Variants in MAP2K6 observed in about 807,000 individuals in gnomAD.
MAP2K6 encodes dual specificity mitogen-activated protein kinase kinase 6.
MAP2K6 carries 16 observed loss-of-function variants against 53.7 expected under a neutral mutation model. The ratio of observed to expected loss-of-function variants is 0.30; its 90% CI spans 0.20 to 0.45. The LOEUF is 0.45. Ranked by LOEUF, MAP2K6 falls within the 20% of genes least tolerant of loss-of-function variation. MAP2K6 has a pLI of 1.00. For missense variants in MAP2K6, 204 were observed against 411.9 expected, an observed-to-expected ratio of 0.50 and a Z score of 4.37; for synonymous variants, 132 against 143.1, an observed-to-expected ratio of 0.92 and a Z score of 0.55.
intron 1 of MAP2K6, among the ~76,000 whole-genome samples, chr17:69,495,006 G>GA (rs369313832): frequency 7.2e-6 from 1 of 139,354 alleles, no homozygotes; most frequent in Non-Finnish European, 1.6e-5. Flanking sequence ...ACTCTGTCTA[G>GA]AAAAAAAACC....
chr17:69,511,260 A>G (rs1490198794), intron 2 of MAP2K6, among the ~76,000 whole-genome samples: 1 of 152,198 alleles, frequency 6.6e-6, no homozygotes, highest in Non-Finnish European at 1.5e-5. Flanking sequence ...ATACCGCTGT[A>G]GCTCAAAGAG....
intron 1 of MAP2K6, among the ~76,000 whole-genome samples, chr17:69,484,570 C>T: frequency 6.6e-6 from 1 of 151,988 alleles, no homozygotes; most frequent in East Asian, 1.9e-4. Context: ...CAATTTCACT[C>T]ATAGGTATAT....
intron 11 of MAP2K6, among the ~76,000 whole-genome samples, chr17:69,540,070 G>C (rs954929345): frequency 2.0e-5 from 3 of 152,180 alleles, no homozygotes; most frequent in Non-Finnish European, 2.9e-5. Flanking sequence ...ATCGCGACCA[G>C]CTATCTTCTT....
At chr17:69,455,608 G>A (rs1403762678) in intron 1 of MAP2K6, among the ~76,000 whole-genome samples, 6 of 152,088 alleles carry the variant, frequency 3.9e-5, no homozygotes, top group Non-Finnish European at 7.3e-5. Context: ...GGGGCATTAT[G>A]GTTGGTGTAA....
chr17:69,451,502 A>G (rs1907224192), intron 1 of MAP2K6, among the ~76,000 whole-genome samples: 1 of 152,212 alleles, frequency 6.6e-6, no homozygotes, highest in South Asian at 2.1e-4. Context: ...ATCTAGAAAG[A>G]CAGCTCTCTG....
chr17:69,517,314 G>T (rs1026681918), intron 3 of MAP2K6, among the ~76,000 whole-genome samples, 186 bp from the exon 4 acceptor site: 3 of 152,048 alleles, frequency 2.0e-5, no homozygotes, highest in Admixed American at 2.0e-4. Context: ...TACCGTGGGA[G>T]CTCCTAGACA....
intron 5 of MAP2K6, 61 bp downstream of exon 5, chr17:69,519,493 A>G (rs773203308): frequency 6.3e-7 from 1 of 1,599,652 alleles, no homozygotes; most frequent in Non-Finnish European, 8.6e-7. Flanking sequence ...AGTTTCTTTG[A>G]TCACGTAAAT....
chr17:69,502,478 C>T (rs868826775), intron 1 of MAP2K6: 8 of 985,310 alleles, frequency 8.1e-6, no homozygotes, highest in Middle Eastern at 5.2e-4. Flanking sequence ...TTGATGTAAA[C>T]GTGAAGGCAG....
At chr17:69,514,710 C>T (rs1021770554) in intron 2 of MAP2K6, among the ~76,000 whole-genome samples, 4 of 151,804 alleles carry the variant, frequency 2.6e-5, no homozygotes, top group Admixed American at 6.6e-5. Context: ...TACAGGTGTC[C>T]GCCACCACGC....
chr17:69,519,349 C>T lies in MAP2K6; in HGVS notation c.283C>T (p.Arg95Trp), dbSNP rs144625593. 104 of 1,613,814 alleles carry T rather than the reference C, an allele frequency of 6.4e-5. No homozygotes were observed. Among genetic ancestry groups the T allele is most frequent in the Non-Finnish European group, 7.9e-5 (93 of 1,179,924 alleles). The change falls in exon 5 of 12, where the codon CGG (arginine) becomes TGG (tryptophan). Residue 95 changes from arginine to tryptophan, a missense_variant. This residue lies in a region of MAP2K6 where 129 missense variants were observed against 247.1 expected (regional missense o/e 0.52). Coordinates refer to ENST00000590474, the MANE Select transcript of MAP2K6 (RefSeq NM_002758.4). ...RATVNSQEQK[R>W]LLMDLDISMR... ...CACAGTAAATAGCCAGGAACAGAAA[C>T]GGCTACTGATGGATTTGGATATTTC...
chr17:69,437,142 C>T (rs193030313), intron 1 of MAP2K6, among the ~76,000 whole-genome samples: 6 of 152,262 alleles, frequency 3.9e-5, no homozygotes, highest in Admixed American at 3.3e-4. Context: ...TAACTTTTGG[C>T]TCCCCTAAAA....
chr17:69,506,017 C>T (rs936080556), intron 2 of MAP2K6, among the ~76,000 whole-genome samples, 171 bp downstream of exon 2: 2 of 152,174 alleles, frequency 1.3e-5, no homozygotes, highest in Admixed American at 6.5e-5. Flanking sequence ...CAGTCAGTTA[C>T]GTTGAATGGG....
At chr17:69,425,100 A>G (rs1000394117) in intron 1 of MAP2K6, among the ~76,000 whole-genome samples, 5 of 151,994 alleles carry the variant, frequency 3.3e-5, no homozygotes, top group African/African-American at 9.7e-5. Context: ...AAGTGTGGGG[A>G]TTTTGCAGCC....
intron 1 of MAP2K6, among the ~76,000 whole-genome samples, chr17:69,421,432 A>C (rs62080948): frequency 6.6e-6 from 1 of 152,142 alleles, no homozygotes; most frequent in African/African-American, 2.4e-5. Context: ...AATCCCATCC[A>C]ATAGAATTGA....
intron 2 of MAP2K6, among the ~76,000 whole-genome samples, chr17:69,507,029 T>C (rs1909536987): frequency 6.6e-6 from 1 of 152,124 alleles, no homozygotes; most frequent in African/African-American, 2.4e-5. Context: ...GTAATTACTA[T>C]TGTTTCCTCT....
chr17:69,459,186 GT>G (rs1268564064), intron 1 of MAP2K6, among the ~76,000 whole-genome samples: 1 of 152,060 alleles, frequency 6.6e-6, no homozygotes, highest in East Asian at 1.9e-4. Flanking sequence ...CATTAAGCTA[GT>G]TATTTTAATT....
In MAP2K6 at chr17:69,483,053, A is replaced by G. The variant is rs1908403443; in HGVS notation, c.17-22727A>G. Among the ~76,000 whole-genome samples, 3 of 152,116 alleles carry G rather than the reference A, an allele frequency of 2.0e-5. No individual in the cohort carries two copies. The South Asian group carries it at 6.2e-4, about 32-fold the overall frequency. On this transcript the variant is annotated intron_variant, in intron 1 of 11. Coordinates refer to ENST00000590474, the MANE Select transcript of MAP2K6 (RefSeq NM_002758.4). ...GGACATCTCCCATAGATCAGGAACA[A>G]CATAAGGATGTCTTTTCTTGCAATC...
chr17:69,481,250 C>T (rs561858688), intron 1 of MAP2K6, among the ~76,000 whole-genome samples: 1 of 152,164 alleles, frequency 6.6e-6, no homozygotes, highest in Admixed American at 6.5e-5. Flanking sequence ...CAGTATTTGT[C>T]ATTTTATGAC....
At chr17:69,450,310 C>T (rs553153151) in intron 1 of MAP2K6, among the ~76,000 whole-genome samples, 23 of 152,160 alleles carry the variant, frequency 1.5e-4, no homozygotes, top group African/African-American at 5.1e-4. Flanking sequence ...TGCATGAATT[C>T]ATGTAGTTTG....
Sources: allele counts gnomAD v4.1 joint callset (sites outside exome capture counted in the v4.1 genomes callset), GRCh38; gene constraint gnomAD v4.1.1; regional missense constraint gnomAD v4.1.1; transcripts MANE v1.5; gene names NCBI Gene and HGNC (gene_info 2026-07-23, HGNC 2026-07-21).